STAM: variants seen among roughly 807,000 people sequenced by gnomAD.
STAM encodes signal transducing adapter molecule 1.
A neutral mutation model predicts 63.4 loss-of-function variants in STAM; 16 were observed. The observed-to-expected ratio is 0.25, with a 90% CI of 0.17 to 0.38. The LOEUF (loss-of-function observed/expected upper bound fraction) is 0.38, where lower values mean the gene tolerates loss of function less well. Ranked by LOEUF, STAM falls within the 10% of genes least tolerant of loss-of-function variation. STAM has a pLI of 1.00. For synonymous variants in STAM, 238 were observed against 223.9 expected, an observed-to-expected ratio of 1.06 and a Z score of -0.56; for missense variants, 636 against 657.1, an observed-to-expected ratio of 0.97 and a Z score of 0.35.
At chr10:17,689,083 C>T (rs1835421966) in intron 5 of STAM, among the ~76,000 whole-genome samples, 1 of 152,084 alleles carries the variant, frequency 6.6e-6, no homozygotes, top group South Asian at 2.1e-4. Context: ...TCCTGTCCAC[C>T]CTTGTGCCAA....
At chr10:17,709,500 G>GA (rs1471893573) in intron 13 of STAM, among the ~76,000 whole-genome samples, 7 of 152,178 alleles carry the variant, frequency 4.6e-5, no homozygotes, top group African/African-American at 1.4e-4. Context: ...TGTGATGACA[G>GA]AGGCCCATTT....
At chr10:17,696,115 T>A (rs1164029008) in intron 7 of STAM, 1 of 152,190 alleles carries the variant, frequency 6.6e-6, no homozygotes, top group Admixed American at 6.5e-5. Context: ...GGGTTAGGAT[T>A]TCAACCTGTG....
chr10:17,665,568 C>T (rs868967568), intron 2 of STAM, among the ~76,000 whole-genome samples: 2 of 151,852 alleles, frequency 1.3e-5, no homozygotes, highest in African/African-American at 2.4e-5. Context: ...TCCTGTCAGT[C>T]TTAGAAATGT....
chr10:17,666,290 G>A (rs938159676), intron 2 of STAM, among the ~76,000 whole-genome samples: 1 of 151,254 alleles, frequency 6.6e-6, no homozygotes, highest in Non-Finnish European at 1.5e-5. Flanking sequence ...AACAGAATGA[G>A]AAAGATCATA....
At chr10:17,652,854 A>G (rs964985039) in intron 1 of STAM, among the ~76,000 whole-genome samples, 2 of 152,194 alleles carry the variant, frequency 1.3e-5, no homozygotes, top group African/African-American at 2.4e-5. Flanking sequence ...GGACTCCTCA[A>G]TCAGAGCACT....
chr10:17,662,634 A>T (rs2357292), intron 2 of STAM, among the ~76,000 whole-genome samples: 92,777 of 152,078 alleles, frequency 0.61, 29,119 homozygotes, highest in African/African-American at 0.76. Flanking sequence ...TAGAGGGAGA[A>T]TGCCTGGGTT....
At chr10:17,673,099 G>A (rs1834706831) in intron 2 of STAM, 1 of 931,890 alleles carries the variant, frequency 1.1e-6, no homozygotes, top group Admixed American at 6.2e-5. Context: ...GAAACCTTTG[G>A]TAGACTCTTC....
intron 2 of STAM, among the ~76,000 whole-genome samples, chr10:17,660,864 A>T (rs959420697): frequency 2.0e-5 from 3 of 152,234 alleles, no homozygotes; most frequent in Non-Finnish European, 4.4e-5. Flanking sequence ...CATTTAGTTT[A>T]TATACCTTTT....
intron 9 of STAM, among the ~76,000 whole-genome samples, chr10:17,702,284 T>G (rs1238762700): frequency 6.6e-6 from 1 of 152,120 alleles, no homozygotes; most frequent in South Asian, 2.1e-4. Context: ...AGAAATCCCA[T>G]ATGGTCATCG....
At chr10:17,687,750 C>T (rs1329459067) in intron 4 of STAM, among the ~76,000 whole-genome samples, 4 of 152,174 alleles carry the variant, frequency 2.6e-5, no homozygotes, top group African/African-American at 9.7e-5. Context: ...TACTGATGTA[C>T]AAACCTTGCT....
intron 2 of STAM, among the ~76,000 whole-genome samples, chr10:17,665,882 A>G (rs929498484): frequency 1.8e-4 from 27 of 152,218 alleles, no homozygotes; most frequent in African/African-American, 5.1e-4. Context: ...CTACTGCGCA[A>G]TTTCCAGTGT....
At chr10:17,676,769 C>G (rs1554824697) in intron 2 of STAM, among the ~76,000 whole-genome samples, 5 of 152,140 alleles carry the variant, frequency 3.3e-5, no homozygotes, top group African/African-American at 1.2e-4. Flanking sequence ...AATCAACTTT[C>G]ATTTGTCATT....
In STAM at chr10:17,688,011, T is replaced by C. The variant is rs782441495; in HGVS notation, c.298-16T>C. 2.6e-6 allele frequency: 4 copies of C among 1,548,056 alleles called. No individual in the cohort carries two copies. The highest frequency in any genetic ancestry group is 1.7e-4 in the Middle Eastern group (1 of 5,738). ...TAGGAAATTGGTGCTCTTTTATTTCTTTTTCTATTTTACAGGGTCATCCTA... is the reference window on the plus strand; with the variant it reads ...TAGGAAATTGGTGCTCTTTTATTTCCTTTTCTATTTTACAGGGTCATCCTA... On this transcript the variant is annotated splice_polypyrimidine_tract_variant and intron_variant, in intron 4 of 13. Coordinates refer to ENST00000377524, the MANE Select transcript of STAM (RefSeq NM_003473.4).
At position 17,693,326 on chromosome 10, in the gene STAM, T is replaced by TCCCA; in HGVS notation, c.535+17_535+18insACCC. ...ATTTAGCAAAAGGTGCGTTTTTAAG[T>TCCCA]CCCTGATGGTGGGAATAACATAAGC... On this transcript the variant is annotated intron_variant, in intron 6 of 13. Transcript: ENST00000377524. 6.3e-7 allele frequency: 1 copy of TCCCA among 1,590,636 alleles called. No individual in the cohort carries two copies.
In STAM at chr10:17,688,448, A is replaced by T. The variant is rs1835385193; in HGVS notation, c.444+275A>T. 1.3e-5 allele frequency among the ~76,000 whole-genome samples: 2 copies of T among 151,880 alleles called. 1 individual carries two copies. Among genetic ancestry groups the T allele is most frequent in the African/African-American group, 4.8e-5 (2 of 41,348 alleles). ...GGTTTAACATTTTGCAGTTTTTGAA[A>T]TTTTTTGGTATAGTTTTTGTTTGTT... On this transcript the variant is annotated intron_variant, in intron 5 of 13. Transcript: ENST00000377524.
intron 1 of STAM, among the ~76,000 whole-genome samples, chr10:17,653,066 G>A (rs1833799628): frequency 2.0e-5 from 3 of 152,062 alleles, no homozygotes; most frequent in Admixed American, 2.0e-4. Flanking sequence ...AAGATGACTT[G>A]GTCTGGGGGC....
chr10:17,695,145 A>G lies in STAM; in HGVS notation c.632A>G (p.Glu211Gly). 6.2e-7 allele frequency: 1 copy of G among 1,614,124 alleles called. No homozygotes were observed. The highest frequency in any genetic ancestry group is 8.5e-7 in the Non-Finnish European group (1 of 1,179,990). Residue 211 changes from glutamate (E) to glycine (G), a missense_variant, in exon 7 of 14, where the codon GAA becomes GGA. Physicochemically the swap from Glu to Gly is moderately conservative, Grantham distance 98. This residue lies in a region of STAM where 532 missense variants were observed against 536.9 expected (regional missense o/e 0.99). Transcript: ENST00000377524. ...AGTCTCTTAACTAACCACCAACATGAAGGCCGAAAAGTTCGTGCTATATAT... is the reference window on the plus strand; with the variant it reads ...AGTCTCTTAACTAACCACCAACATGGAGGCCGAAAAGTTCGTGCTATATAT... Reference protein sequence around the residue: ...TSSLLTNHQHEGRKVRAIYDF... With the variant: ...TSSLLTNHQHGGRKVRAIYDF...
At chr10:17,700,784 ATTGT>A (rs2131672686) in intron 9 of STAM, among the ~76,000 whole-genome samples, 1 of 150,870 alleles carries the variant, frequency 6.6e-6, no homozygotes, top group South Asian at 2.1e-4. Context: ...GGATATTAAG[ATTGT>A]TTGCACATGA....
At chr10:17,681,252 C>T (rs1302367706) in intron 2 of STAM, among the ~76,000 whole-genome samples, 2 of 146,780 alleles carry the variant, frequency 1.4e-5, no homozygotes, top group Admixed American at 6.8e-5. Flanking sequence ...ACCTTCTCAC[C>T]GTTTTACTAC....
Sources: gnomAD v4.1 joint callset for allele counts (sites outside exome capture counted in the v4.1 genomes callset) on GRCh38, gnomAD v4.1.1 for gene constraint, gnomAD v4.1.1 regional missense constraint, MANE v1.5 for transcripts, NCBI Gene and HGNC (gene_info 2026-07-23, HGNC 2026-07-21) for gene names.